RXRA: variants seen among roughly 807,000 people sequenced by gnomAD.
RXRA encodes retinoic acid receptor RXR-alpha.
In RXRA, 5 loss-of-function variants were observed where a neutral mutation model predicts 44.5. The observed-to-expected ratio is 0.11, with a 90% CI of 0.06 to 0.24. RXRA has a LOEUF of 0.24. RXRA is among the 10% of genes least tolerant of loss of function. The probability of loss-of-function intolerance (pLI) is 1.00; values close to 1 mark genes in which losing one functional copy is unlikely to be tolerated. For missense variants in RXRA, 412 were observed against 646.5 expected (o/e 0.64, Z 3.93); for synonymous variants, 291 against 271.4 (o/e 1.07, Z -0.71).
Position 134,380,989 on chromosome 9 carries a change from C to T in RXRA, c.29-20643C>T, listed in dbSNP as rs758258074. Among the ~76,000 whole-genome samples, 113 of 152,270 alleles carry T rather than the reference C, an allele frequency of 7.4e-4. 1 individual carries two copies. Among genetic ancestry groups the T allele is most frequent in the Non-Finnish European group, 1.3e-3 (90 of 68,010 alleles). ...CTGTACTGGGGAAATGTGGCCCCAG[C>T]GGGCAGGAGGTGCAGGGCCCAGTCA... On this transcript the variant is annotated intron_variant, in intron 1 of 9. Coordinates refer to ENST00000481739, the MANE Select transcript of RXRA (RefSeq NM_002957.6).
intron 2 of RXRA, chr9:134,403,513 C>A (rs1229175993): frequency 1.3e-5 from 2 of 152,332 alleles, no homozygotes; most frequent in Non-Finnish European, 2.9e-5. Context: ...CCTGCTGGGT[C>A]CCAGGGCCCC....
At chr9:134,396,629 C>T (rs536225714) in intron 1 of RXRA, among the ~76,000 whole-genome samples, 68 of 152,246 alleles carry the variant, frequency 4.5e-4, no homozygotes, top group Middle Eastern at 6.8e-3. Flanking sequence ...GCTTCCTCAT[C>T]GCAGGCCGAG....
intron 1 of RXRA, among the ~76,000 whole-genome samples, chr9:134,384,951 C>T (rs1830697491): frequency 6.6e-6 from 1 of 152,182 alleles, no homozygotes; most frequent in African/African-American, 2.4e-5. Context: ...CCCTCCAGCC[C>T]TGTGTGACAT....
chr9:134,329,754 C>T (rs1281687090), intron 1 of RXRA, among the ~76,000 whole-genome samples: 2 of 152,356 alleles, frequency 1.3e-5, no homozygotes, highest in South Asian at 2.1e-4. Context: ...CAGGAGGCCC[C>T]TCTGACTGCC....
chr9:134,384,261 CGGG>C (rs777147647), intron 1 of RXRA, among the ~76,000 whole-genome samples: 3 of 152,082 alleles, frequency 2.0e-5, no homozygotes, highest in Non-Finnish European at 4.4e-5. Flanking sequence ...TGTCACCCCT[CGGG>C]AGGAGTCCTG....
chr9:134,363,820 C>T (rs1588265613), intron 1 of RXRA, among the ~76,000 whole-genome samples: 2 of 152,178 alleles, frequency 1.3e-5, no homozygotes, highest in Non-Finnish European at 2.9e-5. Context: ...ATCCCGGGGC[C>T]GGAGGCGTGA....
At chr9:134,379,894 G>A in intron 1 of RXRA, 1 of 985,342 alleles carries the variant, frequency 1.0e-6, no homozygotes, top group Non-Finnish European at 1.2e-6. Context: ...TCTCCAGTAT[G>A]GCAGAGCCTG....
chr9:134,337,089 G>T (rs1830018775), intron 1 of RXRA, among the ~76,000 whole-genome samples: 1 of 152,170 alleles, frequency 6.6e-6, no homozygotes, highest in Non-Finnish European at 1.5e-5. Flanking sequence ...TGTTGGAGAT[G>T]TGGCTGCCAC....
At position 134,412,051 on chromosome 9, in the gene RXRA, G is replaced by A. The variant is rs567239321; in HGVS notation, c.610+2932G>A. Among the ~76,000 whole-genome samples, 106 of 152,340 alleles carry A rather than the reference G, an allele frequency of 7.0e-4. 1 individual carries two copies. The South Asian group carries it at 0.022, about 31-fold the overall frequency. On this transcript the variant is annotated intron_variant, in intron 4 of 9. Transcript: ENST00000481739. ...GGCAAGACCCCTTGGCTCCAGATGG[G>A]TCCTGAAGTGCAGAGCACTCCCCTC...
At chr9:134,333,319 C>G (rs183934336) in intron 1 of RXRA, among the ~76,000 whole-genome samples, 1 of 152,162 alleles carries the variant, frequency 6.6e-6, no homozygotes, top group Non-Finnish European at 1.5e-5. Flanking sequence ...CCGGGAAGCC[C>G]TTGGTCACAG....
intron 7 of RXRA, among the ~76,000 whole-genome samples, chr9:134,430,666 T>G (rs36077202): frequency 6.6e-6 from 1 of 152,284 alleles, no homozygotes; most frequent in East Asian, 1.9e-4. Flanking sequence ...CAGGGTGCAG[T>G]GTGCAGTGTG....
At chr9:134,414,934 A>C (rs574968202) in intron 4 of RXRA, among the ~76,000 whole-genome samples, 70 of 152,178 alleles carry the variant, frequency 4.6e-4, no homozygotes, top group African/African-American at 1.6e-3. Context: ...CGCCCTCTGG[A>C]GGGCTCATGG....
chr9:134,418,247 A>G (rs1831272922), intron 5 of RXRA, among the ~76,000 whole-genome samples: 1 of 152,152 alleles, frequency 6.6e-6, no homozygotes, highest in African/African-American at 2.4e-5. Context: ...GGGGTTGGGC[A>G]GGTGAGCTCC....
Position 134,417,800 on chromosome 9 carries a change from G to A in RXRA, c.780+473G>A, listed in dbSNP as rs1004820693. ...GCCGTGTGGCCCTGGGCAGGTGCCC[G>A]GCAGTCGCGGTGGCTGCTGTTGATA... On this transcript the variant is annotated intron_variant, in intron 5 of 9. Coordinates refer to ENST00000481739, the MANE Select transcript of RXRA (RefSeq NM_002957.6). This position sits in a 1 kb window ranked among gnomAD's most constrained non-coding sequence, Gnocchi z 6.1. Among the ~76,000 whole-genome samples, 7 of 152,080 alleles carry A rather than the reference G, an allele frequency of 4.6e-5. No homozygotes were observed. The highest frequency in any genetic ancestry group is 3.9e-4 in the East Asian group (2 of 5,170).
intron 1 of RXRA, among the ~76,000 whole-genome samples, chr9:134,399,495 G>C (rs1436749391): frequency 6.6e-6 from 1 of 152,200 alleles, no homozygotes; most frequent in Non-Finnish European, 1.5e-5. Flanking sequence ...TCAGCTCCTA[G>C]CTGTTCTCTC....
chr9:134,422,483 C>T lies in RXRA; in HGVS notation c.910+678C>T, dbSNP rs1350573512. On this transcript the variant is annotated intron_variant, in intron 6 of 9. Coordinates refer to ENST00000481739, the MANE Select transcript of RXRA (RefSeq NM_002957.6). ...CGGGACACACTCCCTGCTACCGGGA[C>T]ACTCCCCCCTCCCAGGACACTCCCC... 1.8e-5 allele frequency: 22 copies of T among 1,225,444 alleles called. No individual in the cohort carries two copies. The Admixed American group carries it at 4.3e-4, about 24-fold the overall frequency. The allele number at this position is 1,225,444 out of a possible 1,614,324, so 75.9% of individuals were successfully genotyped here. A position where few individuals can be genotyped will look rare whatever the true frequency, so the allele number is the denominator to read the frequency against.
At chr9:134,388,012 G>A (rs1052701268) in intron 1 of RXRA, among the ~76,000 whole-genome samples, 12 of 152,118 alleles carry the variant, frequency 7.9e-5, no homozygotes, top group Non-Finnish European at 7.4e-5. Flanking sequence ...GGCAGGAAGC[G>A]CTTATAGGGC....
At chr9:134,340,181 T>TTGTGCCTGCGGGTCCAGGTTTGAGAC (rs1830069558) in intron 1 of RXRA, among the ~76,000 whole-genome samples, 3 of 152,174 alleles carry the variant, frequency 2.0e-5, no homozygotes, top group Non-Finnish European at 4.4e-5. Flanking sequence ...TTCTGATGGC[T>TTGTGCCTGCGGGTCCAGGTTTGAGAC]TGTGCCTGCG....
At chr9:134,423,923 C>A in intron 6 of RXRA, 1 of 985,426 alleles carries the variant, frequency 1.0e-6, no homozygotes, top group Middle Eastern at 5.2e-4. Context: ...TGGCCGCACG[C>A]AGCTCTTTTC....
Sources: allele counts gnomAD v4.1 joint callset (sites outside exome capture counted in the v4.1 genomes callset), GRCh38; gene constraint gnomAD v4.1.1; non-coding constraint Gnocchi (gnomAD v3.1); transcripts MANE v1.5; gene names NCBI Gene and HGNC (gene_info 2026-07-23, HGNC 2026-07-21).